ZNF676: variants seen among roughly 807,000 people sequenced by gnomAD.
The protein encoded by ZNF676 is zinc finger protein 676.
Under a neutral mutation model 6.0 loss-of-function variants are expected in ZNF676, and 4 were observed. The ratio of observed to expected loss-of-function variants is 0.67; its 90% confidence interval spans 0.33 to 1.53. ZNF676 has a LOEUF of 1.53. Among genes scored for constraint, ZNF676 ranks in the 40% most tolerant of loss-of-function variants. ZNF676 has a pLI of 0.06. For synonymous variants in ZNF676, 198 were observed against 223.1 expected (o/e 0.89, Z 1.00); for missense variants, 644 against 679.7 (o/e 0.95, Z 0.58).
At position 22,179,464 on chromosome 19, in the gene ZNF676, A is replaced by G. The variant is rs905657209; in HGVS notation, c.*486T>C. 1.3e-5 allele frequency: 5 copies of G among 374,694 alleles called. No individual in the cohort carries two copies. The highest frequency in any genetic ancestry group is 2.1e-5 in the Non-Finnish European group (4 of 191,224). The allele number at this position is 374,694 out of a possible 1,614,324, so 23.2% of individuals were successfully genotyped here. A position where few individuals can be genotyped will look rare whatever the true frequency, so the allele number is the denominator to read the frequency against. ...CACAATTATAGGAATTCCCTCCAGT[A>G]TGAATTACATGAATGTTTAGTAAGG... On this transcript the variant is annotated 3_prime_UTR_variant, in exon 3 of 3. Coordinates refer to ENST00000397121, the MANE Select transcript of ZNF676 (RefSeq NM_001001411.3).
chr19:22,254,670 A>G, the ZNF676 span, among the ~76,000 whole-genome samples: 1 of 152,202 alleles, frequency 6.6e-6, no homozygotes, highest in Non-Finnish European at 1.5e-5. Flanking sequence ...GATTTGCATC[A>G]CAAAAGTGTT....
the ZNF676 span, among the ~76,000 whole-genome samples, chr19:22,224,743 C>G: frequency 1.3e-5 from 2 of 151,966 alleles, no homozygotes; most frequent in South Asian, 4.2e-4. Flanking sequence ...CTCTGTGATC[C>G]CAGAAATTCG....
the ZNF676 span, among the ~76,000 whole-genome samples, chr19:22,258,828 G>A: frequency 4.3e-4 from 66 of 152,312 alleles, no homozygotes; most frequent in African/African-American, 1.6e-3. Context: ...AGCCCAGGCA[G>A]GAGAGTCAAA....
chr19:22,195,807 G>A (rs912563483), intron 1 of ZNF676, among the ~76,000 whole-genome samples: 8 of 152,044 alleles, frequency 5.3e-5, no homozygotes, highest in Non-Finnish European at 7.4e-5. Flanking sequence ...CATTTGCGGG[G>A]AGCTTTCACA....
chr19:22,182,780 C>T (rs755411950), intron 2 of ZNF676, among the ~76,000 whole-genome samples: 2 of 151,432 alleles, frequency 1.3e-5, no homozygotes, highest in Non-Finnish European at 2.9e-5. Flanking sequence ...CTGAAAATAA[C>T]ATAATGTAAG....
At chr19:22,186,184 C>T (rs895546067) in intron 2 of ZNF676, among the ~76,000 whole-genome samples, 1 of 152,172 alleles carries the variant, frequency 6.6e-6, no homozygotes, top group Non-Finnish European at 1.5e-5. Flanking sequence ...GTGGATCTCT[C>T]TGCAGAAACC....
intron 1 of ZNF676, among the ~76,000 whole-genome samples, chr19:22,207,032 A>C (rs931225988): frequency 1.3e-5 from 2 of 152,190 alleles, no homozygotes; most frequent in Non-Finnish European, 2.9e-5. Context: ...AAACTGGCAC[A>C]AGACAAGGAT....
Position 22,196,618 on chromosome 19 carries a change from T to C in ZNF676, c.16A>G (p.Arg6Gly). 1.9e-6 allele frequency: 3 copies of C among 1,613,776 alleles called. No individual in the cohort carries two copies. The highest frequency in any genetic ancestry group is 2.5e-6 in the Non-Finnish European group (3 of 1,179,682). ...TTCTCACCCAGGAAGACCAGGTTTC[T>C]GTAGTTCTCTAACATCACATTCCTA... The part of the protein sequence containing the change: MLENY[R>G]NLVFLGIAAF... Residue 6 changes from arginine to glycine, a missense_variant, in exon 1 of 3, where the codon AGA becomes GGA. Around this residue, in one of 5 missense-constraint regions of ZNF676, gnomAD observed 280 missense variants for 269.3 expected, o/e 1.04. Transcript: ENST00000397121.
upstream of ZNF676, among the ~76,000 whole-genome samples, chr19:22,200,369 T>A (rs1246644744): frequency 6.6e-6 from 1 of 151,978 alleles, no homozygotes; most frequent in East Asian, 1.9e-4. Context: ...AACCACAATA[T>A]AAAGAAAGTG....
In ZNF676 at chr19:22,196,716, G is replaced by A. The variant is rs2023971280; in HGVS notation, c.-83C>T. 6.2e-7 allele frequency: 1 copy of A among 1,607,792 alleles called. No individual in the cohort carries two copies. Among genetic ancestry groups the A allele is most frequent in the African/African-American group, 1.3e-5 (1 of 74,724 alleles). On this transcript the variant is annotated 5_prime_UTR_variant, in exon 1 of 3. Coordinates refer to ENST00000397121, the MANE Select transcript of ZNF676 (RefSeq NM_001001411.3). Reference sequence around the variant, plus strand: ...GAATTCTATGGCCACATCCCTAAATGTCAATGCTCCCTGGAAAACACACAC... The same window carrying A: ...GAATTCTATGGCCACATCCCTAAATATCAATGCTCCCTGGAAAACACACAC...
At chr19:22,202,093 A>G (rs140322172) in intron 1 of ZNF676, among the ~76,000 whole-genome samples, 3 of 152,182 alleles carry the variant, frequency 2.0e-5, no homozygotes, top group Middle Eastern at 3.4e-3. Context: ...GGAGCTGCAA[A>G]TTCAGGTCCT....
intron 2 of ZNF676, among the ~76,000 whole-genome samples, chr19:22,190,366 T>A (rs1011676198): frequency 6.6e-6 from 1 of 151,486 alleles, no homozygotes; most frequent in African/African-American, 2.4e-5. Context: ...ACTGTAAAGA[T>A]GTTCATCCTG....
chr19:22,217,365 G>A (rs2024203189), upstream of ZNF676, among the ~76,000 whole-genome samples: 2 of 151,960 alleles, frequency 1.3e-5, no homozygotes, highest in Non-Finnish European at 2.9e-5. Context: ...CACCATGCCT[G>A]GCTAATTTTG....
Position 22,181,050 on chromosome 19 carries a change from T to C in ZNF676, c.667A>G (p.Lys223Glu). The part of the protein sequence containing the change: ...TKHKVIHTGE[K>E]PYKCEECGKA... ...CCACATTCTTCACATTTGTAGGGTT[T>C]CTCTCCAGTATGAATTACCTTATGT... Residue 223 changes from lysine to glutamate, a missense_variant, in exon 3 of 3, where the codon AAA becomes GAA. Lys to Glu is a moderately conservative substitution (Grantham distance 56). Coordinates refer to ENST00000397121, the MANE Select transcript of ZNF676 (RefSeq NM_001001411.3). 1 of 1,570,160 alleles carries C rather than the reference T, an allele frequency of 6.4e-7. No homozygotes were observed. The highest frequency in any genetic ancestry group is 8.7e-7 in the Non-Finnish European group (1 of 1,151,222).
At chr19:22,229,443 C>T in the ZNF676 span, among the ~76,000 whole-genome samples, 1 of 152,142 alleles carries the variant, frequency 6.6e-6, no homozygotes, top group Admixed American at 6.6e-5. Flanking sequence ...TAGGCATGGG[C>T]AAAGACTTCA....
At chr19:22,259,185 C>G in the ZNF676 span, among the ~76,000 whole-genome samples, 1 of 152,112 alleles carries the variant, frequency 6.6e-6, no homozygotes, top group African/African-American at 2.4e-5. Flanking sequence ...TCACAATAGC[C>G]TCTTTGGGGA....
At chr19:22,217,602 C>CAT (rs1568538401), upstream of ZNF676, among the ~76,000 whole-genome samples, 2 of 147,570 alleles carry the variant, frequency 1.4e-5, no homozygotes, top group Admixed American at 6.7e-5. Flanking sequence ...TTCTTTTTTC[C>CAT]TTTTTTTTTT....
the ZNF676 span, among the ~76,000 whole-genome samples, chr19:22,228,430 T>A: frequency 1.3e-5 from 2 of 152,320 alleles, no homozygotes; most frequent in African/African-American, 4.8e-5. Flanking sequence ...AAGCATTCCC[T>A]TTGAAAACTG....
chr19:22,184,159 G>A (rs955261915), intron 2 of ZNF676, among the ~76,000 whole-genome samples: 15 of 152,116 alleles, frequency 9.9e-5, no homozygotes, highest in Admixed American at 6.5e-4. Context: ...TGAGGTACCC[G>A]GTTTATCTCA....
Sources: gnomAD v4.1 joint callset for allele counts (sites outside exome capture counted in the v4.1 genomes callset) on GRCh38, gnomAD v4.1.1 for gene constraint, gnomAD v4.1.1 regional missense constraint, MANE v1.5 for transcripts, NCBI Gene and HGNC (gene_info 2026-07-23, HGNC 2026-07-21) for gene names.